ARL6IP6: variants seen among roughly 807,000 people sequenced by gnomAD.
ARL6IP6 encodes the protein ADP-ribosylation factor-like protein 6-interacting protein 6.
In ARL6IP6, 22 loss-of-function variants were observed where a neutral mutation model predicts 21.5. The ratio of observed to expected loss-of-function variants is 1.02; its 90% CI spans 0.73 to 1.46. ARL6IP6 has a LOEUF of 1.46. Among genes scored for constraint, ARL6IP6 ranks in the 40% most tolerant of loss-of-function variants. The probability of loss-of-function intolerance (pLI) is 0.00; values close to 1 mark genes in which losing one functional copy is unlikely to be tolerated. For synonymous variants in ARL6IP6, 164 were observed against 125.3 expected (o/e 1.31, Z -2.06); for missense variants, 388 against 299.8 (o/e 1.29, Z -2.17).
chr2:152,719,068 A>T, intron 1 of ARL6IP6, 44 bp downstream of exon 1: 1 of 1,469,208 alleles, frequency 6.8e-7, no homozygotes, highest in Non-Finnish European at 9.0e-7. Context: ...AGTAAAGTTG[A>T]GCCAGGGTGT....
intron 3 of ARL6IP6, among the ~76,000 whole-genome samples, chr2:152,758,874 C>T (rs1298327313): frequency 6.6e-6 from 1 of 152,116 alleles, no homozygotes; most frequent in Non-Finnish European, 1.5e-5. Flanking sequence ...CCGTCTCAGT[C>T]CAGGGCCCTT....
At chr2:152,733,227 C>G (rs541881107) in intron 2 of ARL6IP6, among the ~76,000 whole-genome samples, 1 of 151,990 alleles carries the variant, frequency 6.6e-6, no homozygotes, top group Admixed American at 6.6e-5. Flanking sequence ...CTATTTGGGC[C>G]TTCTTCCGAA....
In ARL6IP6 at chr2:152,718,838, G is replaced by C. The variant is rs762656287; in HGVS notation, c.214G>C (p.Val72Leu). 7 of 1,611,526 alleles carry C rather than the reference G, an allele frequency of 4.3e-6. No homozygotes were observed. Among genetic ancestry groups the C allele is most frequent in the Non-Finnish European group, 5.9e-6 (7 of 1,178,706 alleles). Reference protein sequence around the residue: ...GAWSEPRKRSVLPPDGNGSPV... With the variant: ...GAWSEPRKRSLLPPDGNGSPV... ...GTGGTCAGAGCCCAGAAAGCGCTCG[G>C]TGCTCCCGCCGGACGGGAACGGGTC... is the stretch of plus-strand genomic sequence containing the variant. Residue 72 changes from valine (V) to leucine (L), a missense_variant, in exon 1 of 4, where the codon GTG (valine) becomes CTG (leucine). Transcript: ENST00000326446.
chr2:152,735,976 TC>T (rs35105452), intron 3 of ARL6IP6, among the ~76,000 whole-genome samples: 1 of 152,140 alleles, frequency 6.6e-6, no homozygotes, highest in Non-Finnish European at 1.5e-5. Context: ...ATTAGTAAAC[TC>T]CCAATTTTTT....
intron 3 of ARL6IP6, among the ~76,000 whole-genome samples, chr2:152,747,470 C>T (rs1386783035): frequency 6.6e-6 from 1 of 152,128 alleles, no homozygotes; most frequent in East Asian, 1.9e-4. Context: ...TGAATGGCTC[C>T]TTTATGTTCC....
intron 2 of ARL6IP6, among the ~76,000 whole-genome samples, chr2:152,731,766 A>G (rs1263546486): frequency 6.6e-6 from 1 of 152,180 alleles, no homozygotes; most frequent in Non-Finnish European, 1.5e-5. Flanking sequence ...CCAATGTTAA[A>G]TTCTTACATC....
intron 2 of ARL6IP6, among the ~76,000 whole-genome samples, chr2:152,733,476 T>C (rs1169750505): frequency 2.0e-5 from 3 of 152,166 alleles, no homozygotes; most frequent in Non-Finnish European, 4.4e-5. Context: ...TTGGCCAGAT[T>C]GGTCTCAAAC....
At chr2:152,751,018 C>A (rs899107515) in intron 3 of ARL6IP6, among the ~76,000 whole-genome samples, 3 of 152,100 alleles carry the variant, frequency 2.0e-5, no homozygotes, top group Non-Finnish European at 4.4e-5. Context: ...TGAAACATTT[C>A]TATGATGTTG....
intron 3 of ARL6IP6, among the ~76,000 whole-genome samples, chr2:152,744,128 T>C (rs921736174): frequency 6.6e-6 from 1 of 152,154 alleles, no homozygotes; most frequent in African/African-American, 2.4e-5. Context: ...ATGTTTATGC[T>C]AAAAATATTT....
chr2:152,733,438 T>TA (rs1700417542), intron 2 of ARL6IP6, among the ~76,000 whole-genome samples: 1 of 152,178 alleles, frequency 6.6e-6, no homozygotes, highest in African/African-American at 2.4e-5. Flanking sequence ...CTAATTTTTG[T>TA]ATTTTTAGTA....
At chr2:152,722,601 TTAA>T (rs761676141) in intron 2 of ARL6IP6, among the ~76,000 whole-genome samples, 1 of 152,190 alleles carries the variant, frequency 6.6e-6, no homozygotes, top group African/African-American at 2.4e-5. Flanking sequence ...GATTAAGCTC[TTAA>T]TAAGATTGAG....
In ARL6IP6 at chr2:152,718,685, G is replaced by A. The variant is rs985646956; in HGVS notation, c.61G>A (p.Gly21Ser). ...ALRRRGPGTP[G>S]PVARPSYSSF... ...GCGGCGCCGCGGTCCCGGCACCCCG[G>A]GCCCTGTGGCTCGGCCATCGTATTC... is the stretch of plus-strand genomic sequence containing the variant. The change falls in exon 1 of 4, where the codon GGC (glycine) becomes AGC (serine). Residue 21 changes from glycine (G) to serine (S), a missense_variant. Coordinates refer to ENST00000326446, the MANE Select transcript of ARL6IP6 (RefSeq NM_152522.7). 34 of 1,591,756 alleles carry A rather than the reference G, an allele frequency of 2.1e-5. No homozygotes were observed. Among genetic ancestry groups the A allele is most frequent in the East Asian group, 4.5e-5 (2 of 44,204 alleles).
At chr2:152,754,965 C>G (rs1419010679) in intron 3 of ARL6IP6, among the ~76,000 whole-genome samples, 1 of 152,084 alleles carries the variant, frequency 6.6e-6, no homozygotes, top group Non-Finnish European at 1.5e-5. Flanking sequence ...AATAGTTATA[C>G]TAGATATAGA....
At chr2:152,721,136 A>T (rs1167147513) in intron 2 of ARL6IP6, among the ~76,000 whole-genome samples, 1 of 152,168 alleles carries the variant, frequency 6.6e-6, no homozygotes, top group Admixed American at 6.5e-5. Flanking sequence ...ATGTGTATGT[A>T]CCACACACAC....
At chr2:152,720,131 G>T in intron 1 of ARL6IP6, 3 of 26,732 alleles carry the variant, frequency 1.1e-4, no homozygotes, top group Non-Finnish European at 1.6e-4. Flanking sequence ...TCTCCTAGGT[G>T]GTTTATTTCT....
At chr2:152,725,909 A>G (rs1180209078) in intron 2 of ARL6IP6, among the ~76,000 whole-genome samples, 4 of 152,194 alleles carry the variant, frequency 2.6e-5, no homozygotes, top group African/African-American at 9.7e-5. Context: ...TCTCTAAATT[A>G]TTCTTCAAGT....
intron 2 of ARL6IP6, among the ~76,000 whole-genome samples, chr2:152,722,897 G>A (rs1308468053): frequency 6.6e-6 from 1 of 152,162 alleles, no homozygotes; most frequent in Non-Finnish European, 1.5e-5. Context: ...AACAGAGCAA[G>A]ACTCCAACTC....
intron 2 of ARL6IP6, among the ~76,000 whole-genome samples, chr2:152,728,927 T>G (rs1700170613): frequency 6.6e-6 from 1 of 151,816 alleles, no homozygotes; most frequent in Admixed American, 6.6e-5. Context: ...AATGTGGTGG[T>G]GCACACCTGT....
chr2:152,743,665 A>G (rs1574052229), intron 3 of ARL6IP6, among the ~76,000 whole-genome samples: 2 of 152,166 alleles, frequency 1.3e-5, no homozygotes, highest in Non-Finnish European at 2.9e-5. Flanking sequence ...AAAGATATCC[A>G]TAGATATTTA....
Sources: allele counts gnomAD v4.1 joint callset (sites outside exome capture counted in the v4.1 genomes callset), GRCh38; gene constraint gnomAD v4.1.1; transcripts MANE v1.5; gene names NCBI Gene and HGNC (gene_info 2026-07-23, HGNC 2026-07-21).